EYS: variants seen among roughly 807,000 people sequenced by gnomAD.
The protein encoded by EYS is protein eyes shut homolog.
EYS carries 250 observed loss-of-function variants against 282.1 expected under a neutral mutation model. The ratio of observed to expected loss-of-function variants is 0.89; its 90% CI spans 0.80 to 0.98. EYS has a LOEUF of 0.98. Among genes scored for constraint, EYS ranks in the 50% least tolerant of loss-of-function variants. EYS has a pLI of 0.00. For synonymous variants in EYS, 1,355 were observed against 1,282.9 expected (o/e 1.06, Z -1.20); for missense variants, 4,016 against 3,709.0 (o/e 1.08, Z -2.15).
At chr6:64,207,391 T>A (rs1011869999) in intron 31 of EYS, among the ~76,000 whole-genome samples, 4 of 152,110 alleles carry the variant, frequency 2.6e-5, no homozygotes, top group Non-Finnish European at 5.9e-5. Flanking sequence ...CTCTTTTCTT[T>A]ATAAATTACC....
chr6:64,362,502 CA>C (rs1419318931), intron 29 of EYS, among the ~76,000 whole-genome samples: 1 of 151,752 alleles, frequency 6.6e-6, no homozygotes, highest in East Asian at 1.9e-4. Context: ...CACTTGAAAA[CA>C]ATCTATCCAC....
At chr6:64,075,656 A>G (rs1250408843) in intron 32 of EYS, among the ~76,000 whole-genome samples, 1 of 151,934 alleles carries the variant, frequency 6.6e-6, no homozygotes, top group African/African-American at 2.4e-5. Context: ...AACATTCGTA[A>G]CACCTCTCAG....
intron 22 of EYS, among the ~76,000 whole-genome samples, chr6:64,804,659 A>G (rs1170851472): frequency 2.0e-5 from 3 of 152,086 alleles, no homozygotes; most frequent in Non-Finnish European, 4.4e-5. Flanking sequence ...TTGGAATCTG[A>G]TGACATACTA....
At chr6:63,978,753 A>G (rs1462470416) in intron 35 of EYS, among the ~76,000 whole-genome samples, 1 of 151,966 alleles carries the variant, frequency 6.6e-6, no homozygotes, top group African/African-American at 2.4e-5. Context: ...ATGCTGTGTA[A>G]CAGTTCTTAC....
chr6:64,388,750 G>A lies in EYS; in HGVS notation c.6018C>T (p.Pro2006=). ...TGAAGACAGATCCTGATTTTGGCAG[G>A]GGTTTTCCGAGTACATGATTGATAG... ...CESINHVLGK[P]LPKSGSVFIG... Residue 2006 remains proline, a synonymous_variant, in exon 29 of 43, where the codon CCC becomes CCT. Coordinates refer to ENST00000503581, the MANE Select transcript of EYS (RefSeq NM_001142800.2). The A allele has an allele frequency of 6.5e-7, 1 of 1,544,820 alleles. No individual in the cohort carries two copies.
At chr6:64,271,044 C>A (rs563030410) in intron 30 of EYS, among the ~76,000 whole-genome samples, 116 of 152,190 alleles carry the variant, frequency 7.6e-4, no homozygotes, top group Non-Finnish European at 1.3e-3. Context: ...TGTTAACATA[C>A]TACTTTTCTT....
chr6:65,497,795 G>C (rs1001228277), intron 2 of EYS, among the ~76,000 whole-genome samples: 7 of 152,040 alleles, frequency 4.6e-5, no homozygotes, highest in African/African-American at 1.4e-4. Flanking sequence ...AAAAGACAGA[G>C]AAGGAAAAGA....
intron 5 of EYS, among the ~76,000 whole-genome samples, chr6:65,478,026 A>G (rs1446595323): frequency 6.6e-6 from 1 of 152,170 alleles, no homozygotes; most frequent in African/African-American, 2.4e-5. Flanking sequence ...CTGATTATCA[A>G]ACATTTATTC....
chr6:64,104,630 G>T (rs1264053986), intron 31 of EYS, among the ~76,000 whole-genome samples: 3 of 151,796 alleles, frequency 2.0e-5, no homozygotes, highest in Non-Finnish European at 2.9e-5. Context: ...CAAAGCCTCT[G>T]GTTTTAAAAG....
chr6:64,501,695 C>T (rs1452864241), intron 26 of EYS, among the ~76,000 whole-genome samples: 2 of 152,000 alleles, frequency 1.3e-5, no homozygotes, highest in Non-Finnish European at 2.9e-5. Context: ...GACGTAAAAC[C>T]AGATAAGTAT....
intron 12 of EYS, among the ~76,000 whole-genome samples, chr6:65,154,327 G>A (rs368817934): frequency 2.6e-5 from 4 of 151,520 alleles, no homozygotes; most frequent in South Asian, 4.2e-4. Context: ...CAAAGAAAAG[G>A]TGGAAGGAAG....
intron 36 of EYS, among the ~76,000 whole-genome samples, chr6:63,836,260 A>G (rs75583328): frequency 0.013 from 2,042 of 152,202 alleles, 35 homozygotes; most frequent in African/African-American, 0.047. Flanking sequence ...AAAGAAGCCA[A>G]TTACAAATGG....
chr6:64,437,279 A>C (rs1363587709), intron 27 of EYS, among the ~76,000 whole-genome samples: 1 of 151,678 alleles, frequency 6.6e-6, no homozygotes, highest in African/African-American at 2.4e-5. Context: ...TACTTTCCCT[A>C]TCAAATGGGA....
At chr6:65,242,163 T>C (rs697307) in intron 12 of EYS, among the ~76,000 whole-genome samples, 3,559 of 152,166 alleles carry the variant, frequency 0.023, 130 homozygotes, top group African/African-American at 0.082. Flanking sequence ...AACTATACAC[T>C]TTACCATTTA....
intron 35 of EYS, among the ~76,000 whole-genome samples, chr6:63,941,707 G>A (rs368196566): frequency 2.0e-5 from 3 of 152,154 alleles, no homozygotes; most frequent in East Asian, 3.9e-4. Context: ...ATAAGCTAAT[G>A]CTACTGTTTG....
rs1182039744 is a variant in EYS, at chr6:64,945,810, G to A, written c.2364C>T (p.Asp788=). Residue 788 remains aspartate, a synonymous_variant, in exon 15 of 43, where the codon GAC becomes GAT. Coordinates refer to ENST00000503581, the MANE Select transcript of EYS (RefSeq NM_001142800.2). ...TTACTCACCGATAGCTTTTGTAAAG[G>A]TCAGTACAGGTGGAATTGTTCTTGC... is the stretch of plus-strand genomic sequence containing the variant. ...NPCKNNSTCT[D]LYKSYRCECT... 3 of 1,549,516 alleles carry A rather than the reference G, an allele frequency of 1.9e-6. No homozygotes were observed. Among genetic ancestry groups the A allele is most frequent in the Admixed American group, 3.9e-5 (2 of 50,902 alleles).
chr6:65,165,561 T>G (rs1322017612), intron 12 of EYS, among the ~76,000 whole-genome samples: 3 of 151,238 alleles, frequency 2.0e-5, no homozygotes, highest in African/African-American at 7.3e-5. Context: ...TTTTATTCAT[T>G]AACAGTTCAC....
intron 29 of EYS, among the ~76,000 whole-genome samples, chr6:64,326,419 G>A (rs112183067): frequency 0.013 from 2,016 of 152,264 alleles, 44 homozygotes; most frequent in African/African-American, 0.046. Context: ...TTGTAATGCT[G>A]CCTTTGTTTC....
chr6:64,290,581 G>T (rs1468795839), intron 30 of EYS, among the ~76,000 whole-genome samples: 1 of 151,678 alleles, frequency 6.6e-6, no homozygotes, highest in African/African-American at 2.4e-5. Context: ...AATGCTGGTG[G>T]TTATATTCAA....
Sources: allele counts gnomAD v4.1 joint callset (sites outside exome capture counted in the v4.1 genomes callset), GRCh38; gene constraint gnomAD v4.1.1; transcripts MANE v1.5; gene names NCBI Gene and HGNC (gene_info 2026-07-23, HGNC 2026-07-21).